Variants in TOMM22 observed in about 807,000 individuals in gnomAD.
The protein encoded by TOMM22 is mitochondrial import receptor subunit TOM22 homolog.
In TOMM22, 3 loss-of-function variants were observed where a neutral mutation model predicts 17.1. That is an observed-to-expected ratio of 0.18 (90% CI 0.08 to 0.45). The LOEUF (loss-of-function observed/expected upper bound fraction) is 0.45. TOMM22 is among the 20% of genes least tolerant of loss of function. TOMM22 has a pLI of 0.99. For missense variants in TOMM22, 159 were observed against 179.5 expected (o/e 0.89, Z 0.65); for synonymous variants, 91 against 74.0 (o/e 1.23, Z -1.18).
At chr22:38,682,186 T>C in intron 1 of TOMM22, 91 bp downstream of exon 1, 1 of 1,504,420 alleles carries the variant, frequency 6.6e-7, no homozygotes, top group Non-Finnish European at 9.0e-7. Context: ...AAGCGGCTGC[T>C]TTGGGAGGCG....
At chr22:38,683,112 A>G (rs1447926047) in intron 3 of TOMM22, 116 bp downstream of exon 3, 7 of 183,114 alleles carry the variant, frequency 3.8e-5, no homozygotes, top group Admixed American at 6.1e-5. Flanking sequence ...CAGTTTTTAC[A>G]TGGATGGTGG....
intron 3 of TOMM22, 57 bp from the exon 4 acceptor site, chr22:38,683,710 T>G (rs2092486999): frequency 1.0e-4 from 143 of 1,389,434 alleles, no homozygotes; most frequent in Middle Eastern, 1.8e-4. Context: ...TCAGGTATGG[T>G]GAGAATAAGC....
In TOMM22 at chr22:38,683,777, G is replaced by T; in HGVS notation, c.365G>T (p.Gly122Val). 1 of 1,613,880 alleles carries T rather than the reference G, an allele frequency of 6.2e-7. No homozygotes were observed. The highest frequency in any genetic ancestry group is 8.5e-7 in the Non-Finnish European group (1 of 1,179,894). ...QQLQQRQILLGPNTGLSGGMP... is the reference protein window; with the variant it reads ...QQLQQRQILLVPNTGLSGGMP... ...CCTTTTCTTTTCCAGATACTTCTAGGACCTAACACAGGGCTCTCAGGAGGA... is the reference window on the plus strand; with the variant it reads ...CCTTTTCTTTTCCAGATACTTCTAGTACCTAACACAGGGCTCTCAGGAGGA... The change falls in exon 4 of 4, where the codon GGA becomes GTA. Residue 122 changes from glycine to valine, a missense_variant. Transcript: ENST00000216034.
intron 2 of TOMM22, 138 bp downstream of exon 2, chr22:38,682,579 T>C: frequency 1.3e-6 from 1 of 767,058 alleles, no homozygotes; most frequent in Admixed American, 2.4e-5. Context: ...TTTCCTCTTC[T>C]GTAAAATGGG....
At chr22:38,683,237 C>T (rs925440535) in intron 3 of TOMM22, among the ~76,000 whole-genome samples, 15 of 151,754 alleles carry the variant, frequency 9.9e-5, no homozygotes, top group South Asian at 8.3e-4. Flanking sequence ...AATTCTATAA[C>T]GTAGAATGAG....
intron 2 of TOMM22, among the ~76,000 whole-genome samples, 191 bp downstream of exon 2, chr22:38,682,632 G>C (rs576600121): frequency 6.6e-6 from 1 of 152,076 alleles, no homozygotes; most frequent in South Asian, 2.1e-4. Flanking sequence ...ATTTCAGATT[G>C]TTGGAGATAA....
rs2092488143 is a variant in TOMM22, at chr22:38,684,036, C to G, written c.*195C>G. ...TGTGCCCTCCACACTATCCTTACTT[C>G]TGTCTCCACTCTGATACCAGAGTGC... On this transcript the variant is annotated 3_prime_UTR_variant, in exon 4 of 4. Transcript: ENST00000216034. 1 of 555,636 alleles carries G rather than the reference C, an allele frequency of 1.8e-6. No homozygotes were observed. Among genetic ancestry groups the G allele is most frequent in the Non-Finnish European group, 3.2e-6 (1 of 307,980 alleles). The allele number at this position is 555,636 out of a possible 1,614,324, so 34.4% of individuals were successfully genotyped here.
rs1366215178 is a variant in TOMM22, at chr22:38,684,009, A to G, written c.*168A>G. ...GTCTCATGGAAAGACTCAACTTGCAACTGTGCCCTCCACACTATCCTTACT... is the reference window on the plus strand; with the variant it reads ...GTCTCATGGAAAGACTCAACTTGCAGCTGTGCCCTCCACACTATCCTTACT... On this transcript the variant is annotated 3_prime_UTR_variant, in exon 4 of 4. Coordinates refer to ENST00000216034, the MANE Select transcript of TOMM22 (RefSeq NM_020243.5). 6.6e-6 allele frequency: 4 copies of G among 609,772 alleles called. No individual in the cohort carries two copies. Among genetic ancestry groups the G allele is most frequent in the Admixed American group, 5.5e-5 (2 of 36,466 alleles). 37.8% of individuals were successfully genotyped at this position (609,772 alleles called of 1,614,324 possible).
At chr22:38,683,455 G>A (rs1031977895) in intron 3 of TOMM22, among the ~76,000 whole-genome samples, 1 of 152,150 alleles carries the variant, frequency 6.6e-6, no homozygotes, top group African/African-American at 2.4e-5. Context: ...TAATGTGAGC[G>A]ATGGTGAACA....
Position 38,683,977 on chromosome 22 carries a change from C to G in TOMM22, c.*136C>G. 1 of 698,732 alleles carries G rather than the reference C, an allele frequency of 1.4e-6. No homozygotes were observed. The highest frequency in any genetic ancestry group is 2.4e-6 in the Non-Finnish European group (1 of 415,054). 43.3% of individuals were successfully genotyped at this position (698,732 alleles called of 1,614,324 possible). A position where few individuals can be genotyped will look rare whatever the true frequency, so the allele number is the denominator to read the frequency against. Reference sequence around the variant, plus strand: ...CTAAACCTGGTGGGGAGAATTATCCCCACATTGTCTCATGGAAAGACTCAA... The same window carrying G: ...CTAAACCTGGTGGGGAGAATTATCCGCACATTGTCTCATGGAAAGACTCAA... On this transcript the variant is annotated 3_prime_UTR_variant, in exon 4 of 4. Coordinates refer to ENST00000216034, the MANE Select transcript of TOMM22 (RefSeq NM_020243.5).
chr22:38,682,857 C>G, intron 2 of TOMM22, 22 bp from the exon 3 acceptor site: 1 of 1,606,892 alleles, frequency 6.2e-7, no homozygotes, highest in Non-Finnish European at 8.5e-7. Flanking sequence ...CATGCTCACC[C>G]TCTGGGGATT....
At position 38,684,125 on chromosome 22, in the gene TOMM22, G is replaced by T; in HGVS notation, c.*284G>T. ...TCCTTTCACCAAATTGCTCCTAACT[G>T]GAAGATCTCACTTTCCCCTTGTGGG... On this transcript the variant is annotated 3_prime_UTR_variant, in exon 4 of 4. Coordinates refer to ENST00000216034, the MANE Select transcript of TOMM22 (RefSeq NM_020243.5). 2.6e-6 allele frequency: 1 copy of T among 386,992 alleles called. No individual in the cohort carries two copies. Among genetic ancestry groups the T allele is most frequent in the Middle Eastern group, 7.2e-4 (1 of 1,380 alleles). The allele number at this position is 386,992 out of a possible 1,614,324, so 24.0% of individuals were successfully genotyped here.
intron 2 of TOMM22, 41 bp downstream of exon 2, chr22:38,682,482 T>C (rs2092481906): frequency 6.4e-7 from 1 of 1,566,848 alleles, no homozygotes; most frequent in Middle Eastern, 1.7e-4. Context: ...GTGCATGGGA[T>C]GGTCGTGGTG....
In TOMM22 at chr22:38,681,970, C is replaced by T. The variant is rs1291664363; in HGVS notation, c.-9C>T. ...CACCTCCTTTCCGCTTCCGGTGTCC[C>T]CTACAGTCATGGCTGCCGCCGTCGC... is the stretch of plus-strand genomic sequence containing the variant. On this transcript the variant is annotated 5_prime_UTR_variant, in exon 1 of 4. Transcript: ENST00000216034. 50 of 1,611,926 alleles carry T rather than the reference C, an allele frequency of 3.1e-5. No homozygotes were observed. The highest frequency in any genetic ancestry group is 3.5e-5 in the Non-Finnish European group (41 of 1,178,872).
intron 2 of TOMM22, 147 bp from the exon 3 acceptor site, chr22:38,682,732 C>T (rs2092482891): frequency 4.0e-6 from 3 of 742,586 alleles, no homozygotes; most frequent in Admixed American, 4.2e-5. Flanking sequence ...CCTCCTGTCT[C>T]TGGTAGGAGT....
rs2092492259 is a variant in TOMM22 at position 38,684,999 on chromosome 22, C to T, written c.*1158C>T. On this transcript the variant is annotated 3_prime_UTR_variant, in exon 4 of 4. Transcript: ENST00000216034. ...GTTTCGCCTTGTTGCCCCAGATAGT[C>T]TTGAACTCCTGAGTTCTAGCCATCC... is the stretch of plus-strand genomic sequence containing the variant. 1 of 152,056 alleles carries T rather than the reference C, an allele frequency of 6.6e-6. No individual in the cohort carries two copies. Among genetic ancestry groups the T allele is most frequent in the Non-Finnish European group, 1.5e-5 (1 of 68,022 alleles). The allele number at this position is 152,056 out of a possible 1,614,324, so 9.4% of individuals were successfully genotyped here.
chr22:38,682,832 T>C, intron 2 of TOMM22, 47 bp from the exon 3 acceptor site: 4 of 1,557,678 alleles, frequency 2.6e-6, no homozygotes, highest in Non-Finnish European at 3.5e-6. Context: ...CTTGCCTGTT[T>C]TGTTTGCATG....
chr22:38,682,086 C>G lies in TOMM22; in HGVS notation c.108C>G (p.Asp36Glu). ...CTGAGGAGGAGCTGGAGGAGGACGA[C>G]GATGAGGAGGTACTAGGGCCTCGCG... ...EKPEEELEED[D>E]DEELDETLSE... The change falls in exon 1 of 4, where the codon GAC becomes GAG. Residue 36 changes from aspartate (D) to glutamate (E), a missense_variant. By Grantham distance (45) the Asp-to-Glu change is conservative. Transcript: ENST00000216034. 1 of 1,581,092 alleles carries G rather than the reference C, an allele frequency of 6.3e-7. No individual in the cohort carries two copies.
chr22:38,683,316 A>G (rs1281239400), intron 3 of TOMM22, among the ~76,000 whole-genome samples: 1 of 152,192 alleles, frequency 6.6e-6, no homozygotes, highest in Non-Finnish European at 1.5e-5. Context: ...ACAGTGACAG[A>G]TCATCAGGCA....
Sources: gnomAD v4.1 joint callset for allele counts (sites outside exome capture counted in the v4.1 genomes callset) on GRCh38, gnomAD v4.1.1 for gene constraint, MANE v1.5 for transcripts, NCBI Gene and HGNC (gene_info 2026-07-23, HGNC 2026-07-21) for gene names.